Variants in KIAA1217 observed in about 807,000 individuals in gnomAD.
The protein encoded by KIAA1217 is KIAA1217, also known as sickle tail protein homolog.
In KIAA1217, 88 loss-of-function variants were observed where a neutral mutation model predicts 163.9. The ratio of observed to expected loss-of-function variants is 0.54; its 90% confidence interval spans 0.45 to 0.64. The LOEUF is 0.64. KIAA1217 is among the 30% of genes least tolerant of loss of function. The pLI, the probability that KIAA1217 is intolerant of heterozygous loss-of-function variation, is 0.00. For synonymous variants in KIAA1217, 903 were observed against 923.1 expected (o/e 0.98, Z 0.39); for missense variants, 2,372 against 2,475.0 (o/e 0.96, Z 0.88).
chr10:24,457,992 A>G (rs2061980102), intron 5 of KIAA1217, among the ~76,000 whole-genome samples: 1 of 152,226 alleles, frequency 6.6e-6, no homozygotes, highest in African/African-American at 2.4e-5. Context: ...GACACAGGGA[A>G]GCAGATTGTG....
chr10:24,131,103 G>C (rs2063637001), intron 2 of KIAA1217, among the ~76,000 whole-genome samples: 1 of 152,142 alleles, frequency 6.6e-6, no homozygotes, highest in Non-Finnish European at 1.5e-5. Flanking sequence ...ACTTGTTGAA[G>C]ATATGAAATC....
chr10:23,725,690 G>C (rs1032277949), intron 1 of KIAA1217, among the ~76,000 whole-genome samples: 5 of 152,180 alleles, frequency 3.3e-5, no homozygotes, highest in African/African-American at 1.2e-4. Context: ...CTTTGGCTCA[G>C]AACAACACAT....
intron 1 of KIAA1217, among the ~76,000 whole-genome samples, chr10:23,743,795 A>G (rs1262117091): frequency 2.0e-5 from 3 of 152,218 alleles, no homozygotes; most frequent in African/African-American, 7.2e-5. Context: ...TAAAATTTGC[A>G]CTGTCTCATA....
In KIAA1217 at chr10:23,910,194, T is replaced by G. The variant is rs191898072; in HGVS notation, c.-320-97031T>G. On this transcript the variant is annotated intron_variant, in intron 1 of 18. Coordinates refer to the KIAA1217 transcript ENST00000376462. The stretch of plus-strand genomic sequence containing the variant: ...GGATAGCATTAGGAGAAATACCTGA[T>G]GTAGATGATGGGTTGATGGGTGCAA... 1.5e-3 allele frequency among the ~76,000 whole-genome samples: 222 copies of G among 152,030 alleles called. 1 individual carries two copies. Among genetic ancestry groups the G allele is most frequent in the African/African-American group, 5.3e-3 (219 of 41,468 alleles).
chr10:24,302,518 A>G (rs1424044880), intron 2 of KIAA1217, among the ~76,000 whole-genome samples: 5 of 152,076 alleles, frequency 3.3e-5, no homozygotes, highest in Non-Finnish European at 7.4e-5. Context: ...CTTCTCTTTT[A>G]TTCTTATTTA....
intron 2 of KIAA1217, among the ~76,000 whole-genome samples, chr10:24,077,465 GATA>G (rs758203110): frequency 8.5e-5 from 13 of 152,186 alleles, no homozygotes; most frequent in Non-Finnish European, 1.8e-4. Flanking sequence ...GTTTGCTGAG[GATA>G]ATGACTTCCA....
chr10:23,756,540 T>C (rs1051265901), intron 1 of KIAA1217, among the ~76,000 whole-genome samples: 4 of 152,204 alleles, frequency 2.6e-5, no homozygotes, highest in Non-Finnish European at 4.4e-5. Flanking sequence ...ACTATGTTTG[T>C]TTTGAAATGA....
intron 2 of KIAA1217, among the ~76,000 whole-genome samples, chr10:24,010,321 A>G (rs924668691): frequency 2.4e-4 from 36 of 152,214 alleles, no homozygotes; most frequent in African/African-American, 8.0e-4. Context: ...CACAAGATCA[A>G]ATGATTAAGA....
At chr10:24,073,953 G>A (rs1353440243) in intron 2 of KIAA1217, among the ~76,000 whole-genome samples, 4 of 152,134 alleles carry the variant, frequency 2.6e-5, no homozygotes, top group Non-Finnish European at 2.9e-5. Context: ...TCAACTCTCC[G>A]ATCTGGGGAT....
intron 1 of KIAA1217, among the ~76,000 whole-genome samples, chr10:23,696,773 G>A (rs1237989412): frequency 6.6e-6 from 1 of 152,188 alleles, no homozygotes; most frequent in African/African-American, 2.4e-5. Flanking sequence ...ATATTTGCAA[G>A]ACGGTATCCT....
chr10:23,824,929 A>T (rs1010174706), intron 1 of KIAA1217, among the ~76,000 whole-genome samples: 2 of 152,062 alleles, frequency 1.3e-5, no homozygotes, highest in Non-Finnish European at 2.9e-5. Flanking sequence ...GGTATTACAT[A>T]GTAATCCTTC....
intron 8 of KIAA1217, 144 bp from the exon 9 acceptor site, chr10:24,501,235 C>A: frequency 1.5e-6 from 1 of 685,180 alleles, no homozygotes; most frequent in Non-Finnish European, 2.4e-6. Flanking sequence ...TACCATAACA[C>A]TGTGTGATTC....
At chr10:24,213,531 C>T (rs567255491) in intron 1 of KIAA1217, among the ~76,000 whole-genome samples, 4 of 150,946 alleles carry the variant, frequency 2.6e-5, no homozygotes, top group East Asian at 2.0e-4. Flanking sequence ...AAGCACTTAC[C>T]GTTACATGAC....
At chr10:24,541,417 C>G (rs1157924776) in intron 17 of KIAA1217, among the ~76,000 whole-genome samples, 13 of 151,932 alleles carry the variant, frequency 8.6e-5, no homozygotes, top group Non-Finnish European at 1.9e-4. Flanking sequence ...TTAATTCTGA[C>G]TGCGTTGTTT....
chr10:23,765,608 C>T (rs751947283), intron 1 of KIAA1217, among the ~76,000 whole-genome samples: 4 of 152,184 alleles, frequency 2.6e-5, no homozygotes, highest in East Asian at 1.9e-4. Flanking sequence ...GGGAAGTGAT[C>T]GAATCATGGG....
At chr10:24,229,761 C>T (rs1440981066) in intron 2 of KIAA1217, among the ~76,000 whole-genome samples, 1 of 152,104 alleles carries the variant, frequency 6.6e-6, no homozygotes, top group African/African-American at 2.4e-5. Flanking sequence ...TTGTGATCTA[C>T]CTGCCTCCCA....
At chr10:24,344,266 G>A (rs77524203) in intron 2 of KIAA1217, among the ~76,000 whole-genome samples, 3,031 of 152,186 alleles carry the variant, frequency 0.02, 84 homozygotes, top group African/African-American at 0.069. Flanking sequence ...CTCACTTCTG[G>A]GACAGCGTTC....
At chr10:24,295,204 T>C (rs1230588878) in intron 2 of KIAA1217, among the ~76,000 whole-genome samples, 1 of 152,194 alleles carries the variant, frequency 6.6e-6, no homozygotes, top group East Asian at 1.9e-4. Flanking sequence ...TTAAAATAAT[T>C]ATAGCATCTC....
At chr10:24,382,942 C>T (rs10828646) in intron 3 of KIAA1217, among the ~76,000 whole-genome samples, 2 of 150,340 alleles carry the variant, frequency 1.3e-5, no homozygotes, top group Non-Finnish European at 3.0e-5. Context: ...CGACTTCCCA[C>T]GTTCAAGGGA....
Sources: gnomAD v4.1 joint callset for allele counts (sites outside exome capture counted in the v4.1 genomes callset) on GRCh38, gnomAD v4.1.1 for gene constraint, MANE v1.5 for transcripts, NCBI Gene and HGNC (gene_info 2026-07-23, HGNC 2026-07-21) for gene names.